The following PPARGC1A variants were observed in gnomAD, a reference collection of about 807,000 sequenced individuals.
The protein encoded by PPARGC1A is peroxisome proliferator-activated receptor gamma coactivator 1-alpha.
In PPARGC1A, 25 loss-of-function variants were observed where a neutral mutation model predicts 88.7. That is an observed-to-expected ratio of 0.28 (90% CI 0.21 to 0.39). PPARGC1A has a LOEUF of 0.39. Among genes scored for constraint, PPARGC1A ranks in the 10% least tolerant of loss-of-function variants. The pLI, the probability that PPARGC1A is intolerant of heterozygous loss-of-function variation, is 1.00. For missense variants in PPARGC1A, 880 were observed against 968.7 expected (o/e 0.91, Z 1.22); for synonymous variants, 363 against 355.6 (o/e 1.02, Z -0.24).
chr4:24,472,213 G>T, the PPARGC1A span, among the ~76,000 whole-genome samples: 1 of 152,128 alleles, frequency 6.6e-6, no homozygotes, highest in South Asian at 2.1e-4. The surrounding 1 kb of genome is among the most constrained non-coding windows in gnomAD (Gnocchi z 4.5). Flanking sequence ...GGAAGGGGGG[G>T]TATCTCCTCT....
the PPARGC1A span, among the ~76,000 whole-genome samples, chr4:24,241,547 T>C: frequency 6.6e-6 from 1 of 152,248 alleles, no homozygotes; most frequent in Non-Finnish European, 1.5e-5. Flanking sequence ...ATGTGTTTTA[T>C]CTTATAGGCT....
chr4:24,262,221 A>G, the PPARGC1A span, among the ~76,000 whole-genome samples: 1 of 152,274 alleles, frequency 6.6e-6, no homozygotes, highest in South Asian at 2.1e-4. Context: ...GTGTGCTTCA[A>G]TCTCTACCTG....
At chr4:24,092,038 T>C in the PPARGC1A span, among the ~76,000 whole-genome samples, 1 of 152,042 alleles carries the variant, frequency 6.6e-6, no homozygotes, top group Non-Finnish European at 1.5e-5. Context: ...TAAACTATTT[T>C]ACATAGTAGC....
the PPARGC1A span, among the ~76,000 whole-genome samples, chr4:24,230,057 T>C: frequency 2.6e-5 from 4 of 152,134 alleles, no homozygotes; most frequent in African/African-American, 9.7e-5. Flanking sequence ...CCCTGCTCCA[T>C]TGTGGTTCTA....
the PPARGC1A span, among the ~76,000 whole-genome samples, chr4:24,425,839 C>T: frequency 6.6e-6 from 1 of 152,114 alleles, no homozygotes; most frequent in Non-Finnish European, 1.5e-5. Context: ...CTGATTTTTT[C>T]CCCTTGTGTT....
At chr4:24,239,032 C>T in the PPARGC1A span, among the ~76,000 whole-genome samples, 1 of 152,064 alleles carries the variant, frequency 6.6e-6, no homozygotes, top group Admixed American at 6.6e-5. Flanking sequence ...TACCACAGCA[C>T]ATATAGCATT....
chr4:23,967,569 A>G, the PPARGC1A span, among the ~76,000 whole-genome samples: 1 of 152,148 alleles, frequency 6.6e-6, no homozygotes, highest in African/African-American at 2.4e-5. Flanking sequence ...AAAATTTCCC[A>G]TTAGTGTGTA....
the PPARGC1A span, among the ~76,000 whole-genome samples, chr4:24,213,388 G>C: frequency 6.6e-6 from 1 of 151,922 alleles, no homozygotes; most frequent in African/African-American, 2.4e-5. Flanking sequence ...GAATAGTCTC[G>C]ATCTCCTGAC....
the PPARGC1A span, among the ~76,000 whole-genome samples, chr4:24,267,134 T>C: frequency 6.6e-6 from 1 of 152,198 alleles, no homozygotes; most frequent in South Asian, 2.1e-4. Context: ...ATTATTCACA[T>C]GCCATTTGCA....
chr4:24,182,461 T>C, the PPARGC1A span, among the ~76,000 whole-genome samples: 1 of 152,170 alleles, frequency 6.6e-6, no homozygotes, highest in African/African-American at 2.4e-5. Flanking sequence ...TAAACATACG[T>C]GTGCATGTGT....
chr4:24,165,641 G>T, the PPARGC1A span, among the ~76,000 whole-genome samples: 1 of 152,080 alleles, frequency 6.6e-6, no homozygotes. Context: ...GGTATTTCAA[G>T]CTTTTTCATT....
At chr4:24,130,428 C>A in the PPARGC1A span, among the ~76,000 whole-genome samples, 2,350 of 152,244 alleles carry the variant, frequency 0.015, 65 homozygotes, top group African/African-American at 0.053. Flanking sequence ...TCCAGCCCAT[C>A]ACACTTTCAA....
the PPARGC1A span, among the ~76,000 whole-genome samples, chr4:24,226,975 A>G: frequency 6.6e-6 from 1 of 152,166 alleles, no homozygotes; most frequent in Admixed American, 6.5e-5. Flanking sequence ...GAAAACCCCT[A>G]TCTTGGCTCT....
the PPARGC1A span, among the ~76,000 whole-genome samples, chr4:24,450,898 C>T: frequency 2.0e-3 from 300 of 152,298 alleles, 3 homozygotes; most frequent in East Asian, 0.036. Context: ...AATGACCACC[C>T]ACAGATGCCT....
chr4:24,342,219 A>G, the PPARGC1A span, among the ~76,000 whole-genome samples: 2 of 152,102 alleles, frequency 1.3e-5, no homozygotes, highest in Admixed American at 6.5e-5. Flanking sequence ...GCTTATTGAG[A>G]CCTTACTATG....
the PPARGC1A span, among the ~76,000 whole-genome samples, chr4:23,948,998 C>T: frequency 6.6e-6 from 1 of 152,156 alleles, no homozygotes. Flanking sequence ...GAATTTAACT[C>T]TTAAACCATG....
the PPARGC1A span, among the ~76,000 whole-genome samples, chr4:24,065,393 C>T: frequency 6.6e-6 from 1 of 152,164 alleles, no homozygotes; most frequent in Non-Finnish European, 1.5e-5. Flanking sequence ...TAGGGGATTG[C>T]CTTCCATGCC....
At chr4:24,318,520 A>T in the PPARGC1A span, among the ~76,000 whole-genome samples, 1 of 152,246 alleles carries the variant, frequency 6.6e-6, no homozygotes, top group Non-Finnish European at 1.5e-5. Flanking sequence ...AATAAGTGAT[A>T]ACTTCTCCAA....
the PPARGC1A span, among the ~76,000 whole-genome samples, chr4:24,315,436 T>A: frequency 6.6e-6 from 1 of 152,176 alleles, no homozygotes; most frequent in Non-Finnish European, 1.5e-5. Context: ...TAGCGTTAGG[T>A]GCCAAACATC....
Sources: gnomAD v4.1 joint callset for allele counts (sites outside exome capture counted in the v4.1 genomes callset) on GRCh38, gnomAD v4.1.1 for gene constraint, Gnocchi (gnomAD v3.1) non-coding constraint, MANE v1.5 for transcripts, NCBI Gene and HGNC (gene_info 2026-07-23, HGNC 2026-07-21) for gene names.